The following LRRC1 variants were observed in gnomAD, a reference collection of about 807,000 sequenced individuals.
LRRC1 encodes the protein leucine rich repeat containing 1.
In LRRC1, 28 loss-of-function variants were observed where a neutral mutation model predicts 69.9. The ratio of observed to expected loss-of-function variants is 0.40; its 90% CI spans 0.30 to 0.55. The LOEUF is 0.55. LRRC1 is among the 20% of genes least tolerant of loss of function. The probability of loss-of-function intolerance (pLI) is 0.47; values close to 1 mark genes in which losing one functional copy is unlikely to be tolerated. For missense variants in LRRC1, 498 were observed against 609.0 expected (o/e 0.82, Z 1.92); for synonymous variants, 236 against 240.2 (o/e 0.98, Z 0.16).
chr6:53,906,688 A>G (rs746014108), intron 10 of LRRC1, among the ~76,000 whole-genome samples: 2 of 152,230 alleles, frequency 1.3e-5, no homozygotes, highest in Non-Finnish European at 2.9e-5. Flanking sequence ...ACAGTTTTTC[A>G]TGACGTGAAA....
chr6:53,910,560 G>A (rs906360798), intron 10 of LRRC1, among the ~76,000 whole-genome samples: 13 of 152,082 alleles, frequency 8.5e-5, no homozygotes, highest in African/African-American at 2.9e-4. Context: ...AACATAGTAG[G>A]TATTCAGGTG....
In LRRC1 at chr6:53,899,866, A is replaced by G. The variant is rs1562066256; in HGVS notation, c.762A>G (p.Leu254=). ...SLTDLVISQN[L]LETIPDGIGK... is the part of the protein sequence containing the mutation. ...CGGATTTAGTCATTTCCCAGAACTTATTAGAAACGATTCCGGATGGCATTG... is the reference window on the plus strand; with the variant it reads ...CGGATTTAGTCATTTCCCAGAACTTGTTAGAAACGATTCCGGATGGCATTG... The change falls in exon 8 of 14, where the codon TTA becomes TTG. Residue 254 remains leucine, a synonymous_variant. Coordinates refer to ENST00000370888, the MANE Select transcript of LRRC1 (RefSeq NM_018214.5). 6.2e-7 allele frequency: 1 copy of G among 1,614,012 alleles called. No homozygotes were observed. The highest frequency in any genetic ancestry group is 1.1e-5 in the South Asian group (1 of 91,048).
chr6:53,910,673 C>A (rs967371313), intron 10 of LRRC1, among the ~76,000 whole-genome samples: 8 of 152,078 alleles, frequency 5.3e-5, no homozygotes, highest in African/African-American at 1.9e-4. Flanking sequence ...CTATGATAGG[C>A]GCCAAATTAT....
intron 2 of LRRC1, among the ~76,000 whole-genome samples, chr6:53,857,654 G>A (rs891168309): frequency 1.3e-5 from 2 of 152,192 alleles, no homozygotes; most frequent in African/African-American, 4.8e-5. Context: ...TAAAATGGGG[G>A]CAGAGTAGTC....
In LRRC1 at chr6:53,874,986, G is replaced by A. The variant is rs142925489; in HGVS notation, c.278-4007G>A. Among the ~76,000 whole-genome samples the A allele has an allele frequency of 2.1e-3, 323 of 152,228 alleles. 1 individual carries two copies. The highest frequency in any genetic ancestry group is 7.3e-3 in the African/African-American group (305 of 41,534). On this transcript the variant is annotated intron_variant, in intron 2 of 13. Coordinates refer to ENST00000370888, the MANE Select transcript of LRRC1 (RefSeq NM_018214.5). Reference sequence around the variant, plus strand: ...TAAAAAGAATACAAAATAAAATGTTGCCATACTATTTTAGCAATACAATTG... The same window carrying A: ...TAAAAAGAATACAAAATAAAATGTTACCATACTATTTTAGCAATACAATTG...
chr6:53,820,186 G>C (rs1429053394), intron 1 of LRRC1, among the ~76,000 whole-genome samples: 1 of 151,766 alleles, frequency 6.6e-6, no homozygotes, highest in East Asian at 1.9e-4. Flanking sequence ...GCTAGTTTCA[G>C]GAACCCTGAA....
chr6:53,878,191 C>T (rs1767139428), intron 2 of LRRC1, among the ~76,000 whole-genome samples: 2 of 152,162 alleles, frequency 1.3e-5, no homozygotes, highest in South Asian at 2.1e-4. Flanking sequence ...CAATTACCTC[C>T]TACTGGGTCC....
At chr6:53,804,390 C>T (rs751525345) in intron 1 of LRRC1, among the ~76,000 whole-genome samples, 1 of 152,102 alleles carries the variant, frequency 6.6e-6, no homozygotes, top group African/African-American at 2.4e-5. Context: ...GTGGTGAAGA[C>T]ATTTAAAATT....
chr6:53,922,335 T>C (rs1307844215), intron 13 of LRRC1, among the ~76,000 whole-genome samples: 1 of 152,218 alleles, frequency 6.6e-6, no homozygotes, highest in East Asian at 1.9e-4. Flanking sequence ...AAAATAAATG[T>C]TCTTGCTGTT....
rs1466287113 is a variant in LRRC1, at chr6:53,902,740, A to G, written c.899A>G (p.Gln300Arg). 1 of 1,601,852 alleles carries G rather than the reference A, an allele frequency of 6.2e-7. No individual in the cohort carries two copies. The highest frequency in any genetic ancestry group is 2.2e-5 in the East Asian group (1 of 44,810). Residue 300 changes from glutamine to arginine, a missense_variant, in exon 9 of 14, where the codon CAG (glutamine) becomes CGG (arginine). By Grantham distance (43) the Gln-to-Arg change is conservative. Transcript: ENST00000370888. Reference protein sequence around the residue: ...SLTELVLTENQLLTLPKSIGK... With the variant: ...SLTELVLTENRLLTLPKSIGK... ...ACTGAGTTAGTTCTTACAGAAAATC[A>G]GCTCCTGGTAAGTGTGGTTTGCACA... is the stretch of plus-strand genomic sequence containing the variant.
At chr6:53,862,926 T>C (rs1321833591) in intron 2 of LRRC1, among the ~76,000 whole-genome samples, 1 of 152,218 alleles carries the variant, frequency 6.6e-6, no homozygotes, top group African/African-American at 2.4e-5. Context: ...TTCCAGATAT[T>C]TTTAAGCAGG....
intron 2 of LRRC1, among the ~76,000 whole-genome samples, chr6:53,858,384 G>A (rs1173830569): frequency 6.6e-6 from 1 of 152,100 alleles, no homozygotes; most frequent in African/African-American, 2.4e-5. Flanking sequence ...CCTGGTGGAG[G>A]GTTGCCAATG....
At position 53,902,920 on chromosome 6, in the gene LRRC1, G is replaced by A. The variant is rs77972483; in HGVS notation, c.906+173G>A. On this transcript the variant is annotated intron_variant, in intron 9 of 13. Coordinates refer to ENST00000370888, the MANE Select transcript of LRRC1 (RefSeq NM_018214.5). ...AACCTGCTTAAGCAAAGAAAGTGGTGCTTAGGTTTCCCTGTTGAGCCTGTG... is the reference window on the plus strand; with the variant it reads ...AACCTGCTTAAGCAAAGAAAGTGGTACTTAGGTTTCCCTGTTGAGCCTGTG... Among the ~76,000 whole-genome samples, 301 of 152,302 alleles carry A rather than the reference G, an allele frequency of 2.0e-3. 4 individuals are homozygous for A. The East Asian group carries it at 0.041, about 21-fold the overall frequency.
chr6:53,879,679 T>G (rs1032956737), intron 3 of LRRC1, among the ~76,000 whole-genome samples: 1 of 151,994 alleles, frequency 6.6e-6, no homozygotes, highest in Non-Finnish European at 1.5e-5. Flanking sequence ...ACTATTTCCT[T>G]AGCAATAGCT....
chr6:53,812,145 T>A (rs1764810536), intron 1 of LRRC1, among the ~76,000 whole-genome samples: 1 of 152,218 alleles, frequency 6.6e-6, no homozygotes, highest in Non-Finnish European at 1.5e-5. Flanking sequence ...AATGCCAGGT[T>A]AAGGAGTTTG....
At chr6:53,813,508 G>C (rs1198573736) in intron 1 of LRRC1, among the ~76,000 whole-genome samples, 1 of 151,260 alleles carries the variant, frequency 6.6e-6, no homozygotes, top group African/African-American at 2.4e-5. Context: ...GCTGGAAGGT[G>C]GGCCTGCTGT....
At chr6:53,853,153 A>C (rs1196498563) in intron 2 of LRRC1, among the ~76,000 whole-genome samples, 2 of 152,164 alleles carry the variant, frequency 1.3e-5, no homozygotes, top group Non-Finnish European at 2.9e-5. Flanking sequence ...TCATGAGGGC[A>C]GAGTCCTCCT....
intron 1 of LRRC1, among the ~76,000 whole-genome samples, chr6:53,816,787 C>T (rs902658809): frequency 1.3e-5 from 2 of 152,186 alleles, no homozygotes; most frequent in African/African-American, 4.8e-5. Flanking sequence ...TCTGATTCCT[C>T]TGCAACTTGT....
intron 4 of LRRC1, among the ~76,000 whole-genome samples, chr6:53,889,896 A>G (rs1486760473): frequency 6.6e-6 from 1 of 152,242 alleles, no homozygotes; most frequent in East Asian, 1.9e-4. Flanking sequence ...TTCTTACAGG[A>G]AATACTCTGT....
Sources: gnomAD v4.1 joint callset for allele counts (sites outside exome capture counted in the v4.1 genomes callset) on GRCh38, gnomAD v4.1.1 for gene constraint, MANE v1.5 for transcripts, NCBI Gene and HGNC (gene_info 2026-07-23, HGNC 2026-07-21) for gene names.